CAMK2D: variants seen among roughly 807,000 people sequenced by gnomAD.
CAMK2D encodes calcium/calmodulin dependent protein kinase II delta.
Under a neutral mutation model 84.0 loss-of-function variants are expected in CAMK2D, and 37 were observed. The ratio of observed to expected loss-of-function variants is 0.44; its 90% CI spans 0.34 to 0.58. The LOEUF is 0.58. Among genes scored for constraint, CAMK2D ranks in the 20% least tolerant of loss-of-function variants. The pLI is 0.02. For missense variants in CAMK2D, 448 were observed against 652.5 expected (o/e 0.69, Z 3.41); for synonymous variants, 202 against 212.5 (o/e 0.95, Z 0.43).
chr4:113,616,986 CAAT>C (rs1006129412), intron 3 of CAMK2D, among the ~76,000 whole-genome samples: 3 of 152,064 alleles, frequency 2.0e-5, no homozygotes, highest in African/African-American at 7.2e-5. Context: ...AGTATTGAAA[CAAT>C]AGTCATTTAT....
chr4:113,578,671 C>T (rs1002100085), intron 4 of CAMK2D, among the ~76,000 whole-genome samples: 1 of 136,226 alleles, frequency 7.3e-6, no homozygotes, highest in Admixed American at 7.6e-5. Context: ...AGCAGTTTTT[C>T]ACAGAGCTAA....
At chr4:113,672,306 A>G (rs2099291449) in intron 2 of CAMK2D, among the ~76,000 whole-genome samples, 2 of 152,310 alleles carry the variant, frequency 1.3e-5, no homozygotes, top group South Asian at 4.1e-4. Context: ...CTCTGCCAAG[A>G]ATGACAAAAA....
chr4:113,541,410 T>C (rs979337261), intron 6 of CAMK2D, among the ~76,000 whole-genome samples: 2 of 152,170 alleles, frequency 1.3e-5, no homozygotes, highest in East Asian at 1.9e-4. Flanking sequence ...CCAAAACTTA[T>C]GAAAAAAACA....
intron 17 of CAMK2D, among the ~76,000 whole-genome samples, chr4:113,463,766 T>C (rs2097422129): frequency 6.6e-6 from 1 of 152,168 alleles, no homozygotes; most frequent in African/African-American, 2.4e-5. Context: ...TCATAAATAT[T>C]TTTCCAGGTC....
At chr4:113,603,405 T>C (rs2154261921) in intron 4 of CAMK2D, among the ~76,000 whole-genome samples, 1 of 122,918 alleles carries the variant, frequency 8.1e-6, no homozygotes, top group African/African-American at 3.1e-5. Flanking sequence ...GAGTGTGATG[T>C]TCCCCTTCCT....
intron 4 of CAMK2D, among the ~76,000 whole-genome samples, chr4:113,578,985 A>C (rs13122272): frequency 7.1e-6 from 1 of 141,542 alleles, no homozygotes; most frequent in Non-Finnish European, 1.6e-5. Flanking sequence ...TCCTTTCTTC[A>C]AAAACCAAAG....
intron 2 of CAMK2D, among the ~76,000 whole-genome samples, chr4:113,724,005 G>C (rs778156307): frequency 6.6e-6 from 1 of 151,838 alleles, no homozygotes; most frequent in East Asian, 1.9e-4. Context: ...TACGTATTAC[G>C]TTAATAAAAT....
chr4:113,496,443 T>G (rs1442759678), intron 16 of CAMK2D, among the ~76,000 whole-genome samples: 1 of 148,786 alleles, frequency 6.7e-6, no homozygotes, highest in Non-Finnish European at 1.5e-5. Context: ...GGACTCCCAT[T>G]TGCTTTTTTT....
At chr4:113,616,350 A>C (rs990232552) in intron 3 of CAMK2D, among the ~76,000 whole-genome samples, 3 of 152,196 alleles carry the variant, frequency 2.0e-5, no homozygotes, top group Admixed American at 2.0e-4. Flanking sequence ...TATGGTCTCC[A>C]TCCTTATTCC....
In CAMK2D at chr4:113,451,252, G is replaced by T. The variant is rs2097255791; in HGVS notation, c.*3293C>A. 1 of 152,116 alleles carries T rather than the reference G, an allele frequency of 6.6e-6. No homozygotes were observed. The allele number at this position is 152,116 out of a possible 1,614,324, so 9.4% of individuals were successfully genotyped here. A position where few individuals can be genotyped will look rare whatever the true frequency, so the allele number is the denominator to read the frequency against. ...ATTTGGTGTCTCTCAGCCTTCTGCT[G>T]AGACATTTGAGTCCGAGTATATCCT... On this transcript the variant is annotated 3_prime_UTR_variant, in exon 21 of 21. Coordinates refer to ENST00000511664, the MANE Select transcript of CAMK2D (RefSeq NM_001321571.2).
In CAMK2D at chr4:113,631,560, C is replaced by T. The variant is rs78234593; in HGVS notation, c.221-22354G>A. On this transcript the variant is annotated intron_variant, in intron 3 of 20. Coordinates refer to ENST00000511664, the MANE Select transcript of CAMK2D (RefSeq NM_001321571.2). ...TAGATGTAGGGCTTCTGGAACACAT[C>T]GGCTCCTCTCTACACACCAACATAC... 8.5e-5 allele frequency among the ~76,000 whole-genome samples: 13 copies of T among 152,188 alleles called. No homozygotes were observed. The East Asian group carries it at 2.1e-3, about 25-fold the overall frequency.
At chr4:113,744,447 C>T (rs1259562309) in intron 2 of CAMK2D, among the ~76,000 whole-genome samples, 2 of 152,158 alleles carry the variant, frequency 1.3e-5, no homozygotes, top group African/African-American at 4.8e-5. Context: ...TTCCCTCCCT[C>T]AGAATTCAAA....
At chr4:113,475,557 T>C (rs1231244720) in intron 16 of CAMK2D, among the ~76,000 whole-genome samples, 2 of 152,234 alleles carry the variant, frequency 1.3e-5, no homozygotes, top group African/African-American at 4.8e-5. Context: ...CTCACACCAA[T>C]GTTGCCTCAA....
chr4:113,485,080 G>A (rs2097753466), intron 16 of CAMK2D, among the ~76,000 whole-genome samples: 1 of 152,162 alleles, frequency 6.6e-6, no homozygotes, highest in African/African-American at 2.4e-5. Flanking sequence ...GCACTTAGTG[G>A]TTATATGATT....
At chr4:113,729,086 T>C (rs568340990) in intron 2 of CAMK2D, among the ~76,000 whole-genome samples, 60 of 152,264 alleles carry the variant, frequency 3.9e-4, no homozygotes, top group African/African-American at 1.4e-3. Flanking sequence ...AGGATTGCAT[T>C]TGCAGCCACA....
intron 14 of CAMK2D, among the ~76,000 whole-genome samples, chr4:113,503,816 A>T (rs1167691136): frequency 5.3e-5 from 8 of 152,272 alleles, no homozygotes; most frequent in East Asian, 3.9e-4. Flanking sequence ...TAACTGATGT[A>T]AAAAAAGATT....
chr4:113,626,105 T>C (rs1408566473), intron 3 of CAMK2D, among the ~76,000 whole-genome samples: 2 of 151,972 alleles, frequency 1.3e-5, no homozygotes, highest in Non-Finnish European at 2.9e-5. Flanking sequence ...TGAATACATT[T>C]TGAAAGTAGA....
At chr4:113,562,462 C>G (rs1189051840) in intron 4 of CAMK2D, among the ~76,000 whole-genome samples, 1 of 152,124 alleles carries the variant, frequency 6.6e-6, no homozygotes, top group South Asian at 2.1e-4. Flanking sequence ...TTGTGTGTTA[C>G]TTATACTACA....
At chr4:113,471,358 G>A (rs1466051625) in intron 16 of CAMK2D, among the ~76,000 whole-genome samples, 2 of 152,046 alleles carry the variant, frequency 1.3e-5, no homozygotes, top group Non-Finnish European at 2.9e-5. Flanking sequence ...GCTGAAGACT[G>A]CCAATTCTCT....
Sources: allele counts gnomAD v4.1 joint callset (sites outside exome capture counted in the v4.1 genomes callset), GRCh38; gene constraint gnomAD v4.1.1; transcripts MANE v1.5; gene names NCBI Gene and HGNC (gene_info 2026-07-23, HGNC 2026-07-21).